Variants in GPC6 observed in about 807,000 individuals in gnomAD.
The protein encoded by GPC6 is glypican-6.
In GPC6, 14 loss-of-function variants were observed where a neutral mutation model predicts 55.2. The ratio of observed to expected loss-of-function variants is 0.25; its 90% CI spans 0.17 to 0.40. The LOEUF (loss-of-function observed/expected upper bound fraction) is 0.40, where lower values mean the gene tolerates loss of function less well. Ranked by LOEUF, GPC6 falls within the 10% of genes least tolerant of loss-of-function variation. The pLI, the probability that GPC6 is intolerant of heterozygous loss-of-function variation, is 1.00. For missense variants in GPC6, 641 were observed against 708.5 expected (o/e 0.90, Z 1.08); for synonymous variants, 278 against 259.6 (o/e 1.07, Z -0.68).
intron 7 of GPC6, 143 bp from the exon 8 acceptor site, chr13:94,398,323 T>C: frequency 3.1e-6 from 2 of 645,614 alleles, no homozygotes; most frequent in Non-Finnish European, 5.4e-6. Context: ...TATTTGGCAT[T>C]TTTTTTCCAG....
chr13:94,183,015 C>G (rs1889047763), intron 4 of GPC6, among the ~76,000 whole-genome samples: 1 of 152,176 alleles, frequency 6.6e-6, no homozygotes, highest in Non-Finnish European at 1.5e-5. Flanking sequence ...TGGGCTCACA[C>G]AATCCTTCTG....
chr13:93,994,419 G>A (rs1326958189), intron 3 of GPC6, among the ~76,000 whole-genome samples: 2 of 152,074 alleles, frequency 1.3e-5, no homozygotes, highest in Non-Finnish European at 2.9e-5. Flanking sequence ...TAACATTGTG[G>A]ATTGGTTATT....
chr13:93,325,703 T>C (rs1331131013), intron 1 of GPC6, among the ~76,000 whole-genome samples: 1 of 152,158 alleles, frequency 6.6e-6, no homozygotes, highest in Non-Finnish European at 1.5e-5. Context: ...ACTGCCCTTG[T>C]ACTCCTTAAA....
intron 1 of GPC6, among the ~76,000 whole-genome samples, chr13:93,535,118 C>T (rs1182341073): frequency 3.3e-5 from 5 of 151,994 alleles, no homozygotes; most frequent in Non-Finnish European, 7.4e-5. Flanking sequence ...TATTAGTGGT[C>T]CTGGGAGTGT....
At chr13:93,652,957 A>C (rs1307748644) in intron 2 of GPC6, among the ~76,000 whole-genome samples, 1 of 152,210 alleles carries the variant, frequency 6.6e-6, no homozygotes, top group Non-Finnish European at 1.5e-5. Flanking sequence ...TAAAAGCATA[A>C]CATTTATGTC....
At position 93,912,302 on chromosome 13, in the gene GPC6, A is replaced by G. The variant is rs542080755; in HGVS notation, c.711+81757A>G. ...TCAAAATTACTTTCTTTCCAGCTCT[A>G]AATACTCTCATGATTCCAGAAGATA... On this transcript the variant is annotated intron_variant, in intron 3 of 8. Coordinates refer to ENST00000377047, the MANE Select transcript of GPC6 (RefSeq NM_005708.5). 2.0e-5 allele frequency among the ~76,000 whole-genome samples: 3 copies of G among 152,286 alleles called. 1 individual carries two copies. In the South Asian group the frequency reaches 6.2e-4, roughly 32 times the overall value.
At chr13:94,292,578 CTCTCTTATGTA>C (rs1050578039) in intron 5 of GPC6, among the ~76,000 whole-genome samples, 1 of 152,202 alleles carries the variant, frequency 6.6e-6, no homozygotes, top group South Asian at 2.1e-4. Context: ...ATTCTTCTTT[CTCTCTTATGTA>C]TCTCTTATGT....
chr13:93,840,767 G>T (rs149306802), intron 3 of GPC6, among the ~76,000 whole-genome samples: 4 of 152,120 alleles, frequency 2.6e-5, no homozygotes, highest in Non-Finnish European at 5.9e-5. Flanking sequence ...GCAACAAACA[G>T]ATGAGACGTC....
At chr13:93,265,684 T>A (rs769719148) in intron 1 of GPC6, among the ~76,000 whole-genome samples, 2 of 152,228 alleles carry the variant, frequency 1.3e-5, no homozygotes, top group African/African-American at 2.4e-5. Flanking sequence ...CACTGGTGTA[T>A]GTGTATATGT....
Position 93,844,557 on chromosome 13 carries a change from T to C in GPC6, c.711+14012T>C, listed in dbSNP as rs1888097884. Among the ~76,000 whole-genome samples the C allele has an allele frequency of 4.6e-5, 7 of 151,666 alleles. 1 individual carries two copies. The South Asian group carries it at 1.5e-3, about 32-fold the overall frequency. On this transcript the variant is annotated intron_variant, in intron 3 of 8. Transcript: ENST00000377047. The stretch of plus-strand genomic sequence containing the variant: ...TTCTGGATATTAGCCCTTTTTCAGA[T>C]GAGTAGGTTGCGAAAATTTTCTCCC...
At chr13:93,696,613 A>C (rs959804271) in intron 2 of GPC6, among the ~76,000 whole-genome samples, 1 of 123,896 alleles carries the variant, frequency 8.1e-6, no homozygotes, top group Non-Finnish European at 1.9e-5. Flanking sequence ...TACCTCCATA[A>C]ATTTTTTTTT....
chr13:93,878,864 T>G (rs911754037), intron 3 of GPC6, among the ~76,000 whole-genome samples: 1 of 152,122 alleles, frequency 6.6e-6, no homozygotes, highest in Non-Finnish European at 1.5e-5. Context: ...TTTTGTTATA[T>G]CAGCACAAAT....
intron 1 of GPC6, among the ~76,000 whole-genome samples, chr13:93,349,712 T>G (rs1214120707): frequency 2.6e-5 from 4 of 152,094 alleles, no homozygotes; most frequent in African/African-American, 7.2e-5. Context: ...GTCGAGTGAG[T>G]TTTGGCTTTC....
At chr13:94,388,584 A>G (rs764287908) in intron 7 of GPC6, among the ~76,000 whole-genome samples, 6 of 152,226 alleles carry the variant, frequency 3.9e-5, no homozygotes, top group Non-Finnish European at 8.8e-5. Context: ...ATTTTATTCA[A>G]TTAGTGTCTT....
chr13:93,637,727 T>A (rs1879757182), intron 2 of GPC6, among the ~76,000 whole-genome samples: 1 of 152,144 alleles, frequency 6.6e-6, no homozygotes, highest in African/African-American at 2.4e-5. Flanking sequence ...TAAATCTTTG[T>A]CTTGTTTTAA....
chr13:93,351,842 A>G lies in GPC6; in HGVS notation c.160+124226A>G, dbSNP rs117796638. Among the ~76,000 whole-genome samples the G allele has an allele frequency of 4.1e-4, 63 of 152,278 alleles. No individual in the cohort carries two copies. The East Asian group carries it at 0.012, about 28-fold the overall frequency. ...TGCATTTGTCTTCACTTTTCTGAGT[A>G]ACACTTGGGATTTGAAAACCATGAC... On this transcript the variant is annotated intron_variant, in intron 1 of 8. Transcript: ENST00000377047.
At chr13:94,267,893 A>G (rs1411165707) in intron 4 of GPC6, among the ~76,000 whole-genome samples, 1 of 152,228 alleles carries the variant, frequency 6.6e-6, no homozygotes, top group Non-Finnish European at 1.5e-5. Flanking sequence ...CAGTTTATTT[A>G]TGTGATATAT....
Position 94,142,736 on chromosome 13 carries a change from T to TA in GPC6, c.877+114843dup, listed in dbSNP as rs1887426979. Among the ~76,000 whole-genome samples the TA allele has an allele frequency of 1.3e-5, 2 of 151,924 alleles. 1 individual carries two copies. The highest frequency in any genetic ancestry group is 4.1e-4 in the South Asian group (2 of 4,824). ...AATATACATAGATAGATATAAAATATAGTATTTCCCCAGTCATAACTTGAT... is the reference window on the plus strand; with the variant it reads ...AATATACATAGATAGATATAAAATATAAGTATTTCCCCAGTCATAACTTGAT... On this transcript the variant is annotated intron_variant, in intron 4 of 8. Coordinates refer to ENST00000377047, the MANE Select transcript of GPC6 (RefSeq NM_005708.5).
chr13:93,962,786 T>C (rs1879846006), intron 3 of GPC6, among the ~76,000 whole-genome samples: 1 of 152,156 alleles, frequency 6.6e-6, no homozygotes, highest in African/African-American at 2.4e-5. Context: ...GCTTTTTTGC[T>C]CTTTGGACAG....
Sources: allele counts gnomAD v4.1 joint callset (sites outside exome capture counted in the v4.1 genomes callset), GRCh38; gene constraint gnomAD v4.1.1; transcripts MANE v1.5; gene names NCBI Gene and HGNC (gene_info 2026-07-23, HGNC 2026-07-21).